RGS7: variants seen among roughly 807,000 people sequenced by gnomAD.
The protein encoded by RGS7 is regulator of G protein signaling 7.
RGS7 carries 27 observed loss-of-function variants against 81.1 expected under a neutral mutation model. The observed-to-expected ratio is 0.33, with a 90% CI of 0.25 to 0.46. The LOEUF (loss-of-function observed/expected upper bound fraction) is 0.46, where lower values mean the gene tolerates loss of function less well. Among genes scored for constraint, RGS7 ranks in the 20% least tolerant of loss-of-function variants. The probability of loss-of-function intolerance (pLI) is 1.00; values close to 1 mark genes in which losing one functional copy is unlikely to be tolerated. For synonymous variants in RGS7, 208 were observed against 207.7 expected (o/e 1.00, Z -0.01); for missense variants, 396 against 607.4 (o/e 0.65, Z 3.66).
chr1:241,105,989 C>T (rs2065069883), intron 2 of RGS7, among the ~76,000 whole-genome samples: 2 of 152,194 alleles, frequency 1.3e-5, no homozygotes, highest in Non-Finnish European at 1.5e-5. Flanking sequence ...GAAATGATCA[C>T]TGAAGCGCTT....
chr1:241,233,800 GT>G lies in RGS7; in HGVS notation c.78+121898del, dbSNP rs148344377. Reference sequence around the variant, plus strand: ...TACGGTAGTTCTATTTTTTAGTTTAGTTTTTTTTTTTTTTTTTAAGGAAACT... The same window carrying G: ...TACGGTAGTTCTATTTTTTAGTTTAGTTTTTTTTTTTTTTTTAAGGAAACT... On this transcript the variant is annotated intron_variant, in intron 2 of 18. Transcript: ENST00000440928. 1.6e-3 allele frequency among the ~76,000 whole-genome samples: 224 copies of G among 143,536 alleles called. 1 individual carries two copies. The highest frequency in any genetic ancestry group is 3.2e-3 in the African/African-American group (126 of 39,228). The allele number at this position is 143,536 out of a possible 152,430, so 94.2% of individuals were successfully genotyped here.
Position 241,339,156 on chromosome 1 carries a change from A to G in RGS7, c.78+16543T>C, listed in dbSNP as rs1176700293. Among the ~76,000 whole-genome samples the G allele has an allele frequency of 3.9e-5, 6 of 151,938 alleles. 1 individual carries two copies. In the South Asian group the frequency reaches 1.2e-3, roughly 32 times the overall value. ...ATGCAGTGTTTAGTTTTCTGTTCCT[A>G]TGTTAGTCTGCTGAGATTGATGGCT... On this transcript the variant is annotated intron_variant, in intron 2 of 18. Transcript: ENST00000440928.
intron 2 of RGS7, among the ~76,000 whole-genome samples, chr1:241,251,055 C>T (rs570861425): frequency 1.8e-4 from 28 of 152,312 alleles, no homozygotes; most frequent in Non-Finnish European, 3.4e-4. Context: ...CCATCTTTCA[C>T]GGCATATTTT....
chr1:241,169,434 C>A (rs919032117), intron 2 of RGS7, among the ~76,000 whole-genome samples: 3 of 146,624 alleles, frequency 2.0e-5, no homozygotes, highest in Non-Finnish European at 4.5e-5. Flanking sequence ...ACCACTCCCT[C>A]CTGGGTGCAA....
chr1:240,938,026 A>G (rs948969520), intron 4 of RGS7, among the ~76,000 whole-genome samples: 6 of 152,244 alleles, frequency 3.9e-5, no homozygotes, highest in Non-Finnish European at 7.3e-5. Flanking sequence ...GATGACATAA[A>G]GTTTTCTAAC....
At chr1:240,912,678 G>C (rs535170099) in intron 6 of RGS7, among the ~76,000 whole-genome samples, 1 of 151,776 alleles carries the variant, frequency 6.6e-6, no homozygotes, top group South Asian at 2.1e-4. Flanking sequence ...TCCAATTCTG[G>C]GCTTCTTACA....
chr1:240,902,347 C>T (rs17313069), intron 6 of RGS7, among the ~76,000 whole-genome samples: 19,490 of 152,052 alleles, frequency 0.13, 1,366 homozygotes, highest in Middle Eastern at 0.18. Context: ...AATATTTTGC[C>T]AAGATGATGA....
chr1:240,817,525 T>C (rs1307877562), intron 10 of RGS7, among the ~76,000 whole-genome samples: 1 of 152,210 alleles, frequency 6.6e-6, no homozygotes, highest in South Asian at 2.1e-4. Flanking sequence ...CACTACGTCT[T>C]GACTCTGTAT....
At chr1:241,154,188 G>C (rs2068952072) in intron 2 of RGS7, among the ~76,000 whole-genome samples, 1 of 152,170 alleles carries the variant, frequency 6.6e-6, no homozygotes, top group South Asian at 2.1e-4. Context: ...ATGAAAATAA[G>C]GGAGGGTAAG....
chr1:241,281,159 G>A (rs973545053), intron 2 of RGS7, among the ~76,000 whole-genome samples: 3 of 152,120 alleles, frequency 2.0e-5, no homozygotes, highest in Admixed American at 6.5e-5. Context: ...CTATTAAAAA[G>A]TTGAAATTTA....
intron 2 of RGS7, among the ~76,000 whole-genome samples, chr1:241,257,183 G>A (rs2077094095): frequency 6.6e-6 from 1 of 152,050 alleles, no homozygotes; most frequent in African/African-American, 2.4e-5. Flanking sequence ...TGGATGGTGG[G>A]AAGTCCGAGA....
chr1:240,990,096 A>T (rs1262007045), intron 3 of RGS7, among the ~76,000 whole-genome samples: 3 of 152,214 alleles, frequency 2.0e-5, no homozygotes, highest in Admixed American at 1.3e-4. Flanking sequence ...GAAGGGTCTC[A>T]GCTGCAGGGA....
At chr1:241,048,076 T>C (rs535304220) in intron 3 of RGS7, among the ~76,000 whole-genome samples, 5 of 152,068 alleles carry the variant, frequency 3.3e-5, no homozygotes, top group African/African-American at 1.2e-4. Flanking sequence ...GTGGTGTAGA[T>C]GTGTATGTAT....
Position 241,147,780 on chromosome 1 carries a change from T to TTTTATATATATATATATATA in RGS7, c.79-49019_79-49018insTATATATATATATATATAAA, listed in dbSNP as rs1428939736. 2.1e-3 allele frequency among the ~76,000 whole-genome samples: 94 copies of TTTTATATATATATATATATA among 44,640 alleles called. 8 individuals are homozygous for TTTTATATATATATATATATA. The highest frequency in any genetic ancestry group is 3.1e-3 in the Non-Finnish European group (68 of 22,030). 29.3% of individuals were successfully genotyped at this position (44,640 alleles called of 152,430 possible). A position where few individuals can be genotyped will look rare whatever the true frequency, so the allele number is the denominator to read the frequency against. On this transcript the variant is annotated intron_variant, in intron 2 of 18. Coordinates refer to ENST00000440928, the MANE Select transcript of RGS7 (RefSeq NM_001364886.1). ...TTAAATATCCCATCTAGATTAAGTT[T>TTTTATATATATATATATATA]TATATATATATATATATATATATAT...
At chr1:240,977,386 T>C (rs965591942) in intron 4 of RGS7, among the ~76,000 whole-genome samples, 4 of 151,678 alleles carry the variant, frequency 2.6e-5, no homozygotes, top group Admixed American at 1.3e-4. Flanking sequence ...TATATATATA[T>C]ACACACATAT....
chr1:241,151,164 C>A (rs1194222440), intron 2 of RGS7, among the ~76,000 whole-genome samples: 1 of 152,194 alleles, frequency 6.6e-6, no homozygotes, highest in African/African-American at 2.4e-5. Context: ...TGCCCAGAAA[C>A]AATGTTTCAC....
intron 2 of RGS7, among the ~76,000 whole-genome samples, chr1:241,296,907 C>A (rs1310241161): frequency 6.6e-6 from 1 of 151,346 alleles, no homozygotes; most frequent in Non-Finnish European, 1.5e-5. Context: ...TTATCAAGTC[C>A]AATTGAATTT....
chr1:240,959,724 C>A (rs1007238280), intron 4 of RGS7, among the ~76,000 whole-genome samples: 1 of 152,016 alleles, frequency 6.6e-6, no homozygotes, highest in Non-Finnish European at 1.5e-5. Flanking sequence ...TATTAAATTG[C>A]AAATACATAA....
intron 3 of RGS7, among the ~76,000 whole-genome samples, chr1:241,031,082 T>C (rs933452529): frequency 1.3e-5 from 2 of 152,208 alleles, no homozygotes; most frequent in African/African-American, 4.8e-5. Flanking sequence ...TTAGGTACAT[T>C]GTACTCATTA....
Sources: allele counts gnomAD v4.1 joint callset (sites outside exome capture counted in the v4.1 genomes callset), GRCh38; gene constraint gnomAD v4.1.1; transcripts MANE v1.5; gene names NCBI Gene and HGNC (gene_info 2026-07-23, HGNC 2026-07-21).